The following MIER1 variants were observed in gnomAD, a reference collection of about 807,000 sequenced individuals.
MIER1 encodes the protein mesoderm induction early response protein 1.
A neutral mutation model predicts 75.7 loss-of-function variants in MIER1; 40 were observed. The observed-to-expected ratio is 0.53, with a 90% CI of 0.41 to 0.69. The LOEUF (loss-of-function observed/expected upper bound fraction) is 0.69, where lower values mean the gene tolerates loss of function less well. MIER1 is among the 30% of genes least tolerant of loss of function. The pLI is 0.00. For missense variants in MIER1, 574 were observed against 680.2 expected (o/e 0.84, Z 1.74); for synonymous variants, 213 against 223.4 (o/e 0.95, Z 0.42).
At position 66,986,376 on chromosome 1, in the gene MIER1, T is replaced by C. The variant is rs776387847; in HGVS notation, c.*1476T>C. On this transcript the variant is annotated 3_prime_UTR_variant, in exon 14 of 14. Transcript: ENST00000401041. Reference sequence around the variant, plus strand: ...CCTATATCCAAACTTTTATAAAATATTAATTATTCTTGTTTTTCTCACACA... The same window carrying C: ...CCTATATCCAAACTTTTATAAAATACTAATTATTCTTGTTTTTCTCACACA... The C allele has an allele frequency of 5.6e-6, 9 of 1,604,018 alleles. No individual in the cohort carries two copies. Among genetic ancestry groups the C allele is most frequent in the Admixed American group, 1.7e-5 (1 of 59,054 alleles).
chr1:66,934,371 A>G (rs1348102590), intron 2 of MIER1, among the ~76,000 whole-genome samples: 1 of 151,130 alleles, frequency 6.6e-6, no homozygotes, highest in Non-Finnish European at 1.5e-5. Flanking sequence ...CTGTATTCCT[A>G]GATTCCTAGT....
chr1:66,930,534 GC>G, intron 2 of MIER1: 1 of 941,602 alleles, frequency 1.1e-6, no homozygotes, highest in Non-Finnish European at 1.6e-6. Flanking sequence ...TCCGGAACAG[GC>G]CATTCTCTGG....
rs17129555 is a variant in MIER1, at chr1:66,971,262, T to C, written c.924+303T>C. On this transcript the variant is annotated intron_variant, in intron 9 of 13. Transcript: ENST00000401041. ...AAGTTGGAATTCTCACCTCGGATTA[T>C]CTTATGTACATGGTAAGACCAGTGC... Among the ~76,000 whole-genome samples the C allele has an allele frequency of 3.6e-3, 541 of 152,244 alleles. 3 individuals are homozygous for C. The highest frequency in any genetic ancestry group is 0.012 in the African/African-American group (517 of 41,576).
chr1:66,929,295 C>T (rs562760355), intron 2 of MIER1: 1 of 307,724 alleles, frequency 3.2e-6, no homozygotes, highest in East Asian at 7.6e-5. Context: ...TAAGAGGAAC[C>T]CTTGAAGATT....
chr1:66,982,906 GAAGTAGAAT>G (rs1255885896), intron 13 of MIER1, among the ~76,000 whole-genome samples: 2 of 152,218 alleles, frequency 1.3e-5, no homozygotes, highest in East Asian at 3.8e-4. Flanking sequence ...CGTCCATTCT[GAAGTAGAAT>G]AAGATGCTGA....
rs180702116 is a variant in MIER1, at chr1:66,933,364, T to C, written c.169-6664T>C. On this transcript the variant is annotated intron_variant, in intron 2 of 13. Transcript: ENST00000401041. ...CTTTCTTCTCAAGGAAAAAAATCCA[T>C]GGACAATTCAAGACCTGTCTTTTCA... Among the ~76,000 whole-genome samples, 280 of 152,310 alleles carry C rather than the reference T, an allele frequency of 1.8e-3. 2 individuals are homozygous for C. Among genetic ancestry groups the C allele is most frequent in the African/African-American group, 6.3e-3 (263 of 41,578 alleles).
Position 66,950,190 on chromosome 1 carries a change from C to T in MIER1, c.339+3895C>T, listed in dbSNP as rs1658599425. Among the ~76,000 whole-genome samples the T allele has an allele frequency of 6.6e-5, 10 of 152,092 alleles. No individual in the cohort carries two copies. The South Asian group carries it at 2.1e-3, about 32-fold the overall frequency. On this transcript the variant is annotated intron_variant, in intron 4 of 13. Transcript: ENST00000401041. ...GTGGCACGATCTCGGCTCACTGCAACCTCCACCTCCTGGGTTCAAGCAATT... is the reference window on the plus strand; with the variant it reads ...GTGGCACGATCTCGGCTCACTGCAATCTCCACCTCCTGGGTTCAAGCAATT...
At chr1:66,942,703 G>A (rs996996623) in intron 3 of MIER1, among the ~76,000 whole-genome samples, 1 of 151,994 alleles carries the variant, frequency 6.6e-6, no homozygotes, top group Admixed American at 6.6e-5. Flanking sequence ...AGATAGAACA[G>A]GTCAGATTAA....
chr1:66,979,641 T>G (rs1313380182), intron 12 of MIER1, among the ~76,000 whole-genome samples: 1 of 152,220 alleles, frequency 6.6e-6, no homozygotes, highest in Non-Finnish European at 1.5e-5. Context: ...TCCTGAATAT[T>G]CTGGATGCTA....
At chr1:66,970,998 C>T (rs1663480708) in intron 9 of MIER1, 39 bp downstream of exon 9, 1 of 1,529,706 alleles carries the variant, frequency 6.5e-7, no homozygotes, top group Non-Finnish European at 8.7e-7. Context: ...TTGCCATACA[C>T]ATTTATACAT....
chr1:66,945,260 G>GGTGT (rs1319006528), intron 3 of MIER1, among the ~76,000 whole-genome samples: 9 of 28,678 alleles, frequency 3.1e-4, no homozygotes, highest in East Asian at 1.6e-3. Context: ...TAAATAATCT[G>GGTGT]GTGTGTGTAT....
chr1:66,963,771 C>T (rs944200263), intron 8 of MIER1, among the ~76,000 whole-genome samples: 4 of 151,894 alleles, frequency 2.6e-5, no homozygotes, highest in South Asian at 4.1e-4. Flanking sequence ...AGCCTGGCGT[C>T]GTGGCGCGCA....
At chr1:66,963,238 TAAG>T (rs1053171270) in intron 8 of MIER1, 78 bp downstream of exon 8, 11 of 942,634 alleles carry the variant, frequency 1.2e-5, no homozygotes, top group Non-Finnish European at 1.5e-5. Context: ...TAAAATGTGA[TAAG>T]AACATGACAG....
At chr1:66,951,498 T>A (rs1465061000) in intron 4 of MIER1, among the ~76,000 whole-genome samples, 1 of 152,172 alleles carries the variant, frequency 6.6e-6, no homozygotes, top group Non-Finnish European at 1.5e-5. Flanking sequence ...GCAGACATGA[T>A]TGCCCTTCCT....
intron 3 of MIER1, among the ~76,000 whole-genome samples, chr1:66,944,360 C>T (rs1656973002): frequency 1.3e-5 from 2 of 151,306 alleles, no homozygotes; most frequent in Admixed American, 1.3e-4. Context: ...GTAAACAATG[C>T]TTTTGCAAAT....
intron 4 of MIER1, among the ~76,000 whole-genome samples, chr1:66,953,461 A>G (rs1210549040): frequency 1.3e-5 from 2 of 152,066 alleles, no homozygotes; most frequent in African/African-American, 4.8e-5. Context: ...GACTTTTTAT[A>G]CTGTCGTGCT....
At chr1:66,965,691 T>C (rs117711037) in intron 8 of MIER1, among the ~76,000 whole-genome samples, 121 of 152,302 alleles carry the variant, frequency 7.9e-4, no homozygotes, top group East Asian at 6.6e-3. Flanking sequence ...TATAGTTCTT[T>C]AAAAATGTAC....
intron 12 of MIER1, among the ~76,000 whole-genome samples, chr1:66,980,326 CCCTT>C (rs1558118587): frequency 6.6e-6 from 1 of 152,120 alleles, no homozygotes; most frequent in African/African-American, 2.4e-5. Context: ...TAATTGAATT[CCCTT>C]CATTTATAGA....
intron 4 of MIER1, among the ~76,000 whole-genome samples, chr1:66,953,974 A>C (rs1293675218): frequency 6.6e-6 from 1 of 152,204 alleles, no homozygotes; most frequent in Non-Finnish European, 1.5e-5. Flanking sequence ...ATCTAAAAAT[A>C]ACGTTGTGTA....
Sources: allele counts gnomAD v4.1 joint callset (sites outside exome capture counted in the v4.1 genomes callset), GRCh38; gene constraint gnomAD v4.1.1; transcripts MANE v1.5; gene names NCBI Gene and HGNC (gene_info 2026-07-23, HGNC 2026-07-21).